SYNC: variants seen among roughly 807,000 people sequenced by gnomAD.
SYNC encodes the protein syncoilin.
SYNC carries 38 observed loss-of-function variants against 49.5 expected under a neutral mutation model. The ratio of observed to expected loss-of-function variants is 0.77; its 90% confidence interval spans 0.59 to 1.01. The LOEUF (loss-of-function observed/expected upper bound fraction) is 1.01. Ranked by LOEUF, SYNC falls within the 50% of genes least tolerant of loss-of-function variation. The pLI, the probability that SYNC is intolerant of heterozygous loss-of-function variation, is 0.00. For missense variants in SYNC, 579 were observed against 580.6 expected (o/e 1.00, Z 0.03); for synonymous variants, 201 against 230.8 (o/e 0.87, Z 1.17).
In SYNC at chr1:32,684,024, T is replaced by TC. The variant is rs1649633665; in HGVS notation, c.1423dup (p.Glu475GlyfsTer30). On this transcript the variant is annotated frameshift_variant, in exon 4 of 5. Coordinates refer to ENST00000409190, the MANE Select transcript of SYNC (RefSeq NM_030786.3). LOFTEE classifies it high-confidence loss of function. ...ACAAAGATCACCTTGAGACTGTGTCTCCATTCCACCTGCCTGAGAAGTGGG... is the reference window on the plus strand; with the variant it reads ...ACAAAGATCACCTTGAGACTGTGTCTCCCATTCCACCTGCCTGAGAAGTGGG... 1 of 1,614,060 alleles carries TC rather than the reference T, an allele frequency of 6.2e-7. No individual in the cohort carries two copies. Among genetic ancestry groups the TC allele is most frequent in the Non-Finnish European group, 8.5e-7 (1 of 1,180,010 alleles).
chr1:32,680,008 A>C lies in SYNC; in HGVS notation c.*1842T>G. The C allele has an allele frequency of 8.8e-7, 1 of 1,142,854 alleles. No individual in the cohort carries two copies. Among genetic ancestry groups the C allele is most frequent in the Non-Finnish European group, 1.1e-6 (1 of 930,980 alleles). The allele number at this position is 1,142,854 out of a possible 1,614,324, so 70.8% of individuals were successfully genotyped here. On this transcript the variant is annotated 3_prime_UTR_variant, in exon 5 of 5. Transcript: ENST00000409190. ...TTTTTCTTCTTATGCTATATCCCCAAGTTTTTCAGACTCATTTAAGTAAAG... is the reference window on the plus strand; with the variant it reads ...TTTTTCTTCTTATGCTATATCCCCACGTTTTTCAGACTCATTTAAGTAAAG...
At chr1:32,698,244 C>T (rs925125223) in intron 1 of SYNC, among the ~76,000 whole-genome samples, 4 of 144,074 alleles carry the variant, frequency 2.8e-5, no homozygotes, top group Admixed American at 7.0e-5. Context: ...AAATGCCGGG[C>T]GTGGTGGCTC....
chr1:32,695,074 C>T lies in SYNC; in HGVS notation c.1024G>A (p.Glu342Lys), dbSNP rs754367501. 3.0e-5 allele frequency: 49 copies of T among 1,613,396 alleles called. No individual in the cohort carries two copies. In the Admixed American group the frequency reaches 7.8e-4, roughly 26 times the overall value. Reference sequence around the variant, plus strand: ...AGCCGCAGGAACTGAGGCTCATACTCCTCCTCCAGGTCCTGGCGGCTCTCT... The same window carrying T: ...AGCCGCAGGAACTGAGGCTCATACTTCTCCTCCAGGTCCTGGCGGCTCTCT... ...MAESRQDLEE[E>K]YEPQFLRLLE... The change falls in exon 2 of 5, where the codon GAG (glutamate) becomes AAG (lysine). Residue 342 changes from glutamate (E) to lysine (K), a missense_variant. By Grantham distance (56) the Glu-to-Lys change is moderately conservative (BLOSUM62 1). Transcript: ENST00000409190.
intron 1 of SYNC, among the ~76,000 whole-genome samples, chr1:32,699,444 T>C (rs565059000): frequency 2.0e-5 from 3 of 151,404 alleles, no homozygotes; most frequent in Admixed American, 2.0e-4. Context: ...CACGAGTCAC[T>C]GCGCCTGGCC....
At chr1:32,697,348 A>C (rs1650478287) in intron 1 of SYNC, among the ~76,000 whole-genome samples, 1 of 151,722 alleles carries the variant, frequency 6.6e-6, no homozygotes, top group African/African-American at 2.4e-5. Context: ...AGGCAGGAGA[A>C]TCTCTTGAAC....
At chr1:32,682,475 A>T in intron 4 of SYNC, 1 of 152,238 alleles carries the variant, frequency 6.6e-6, no homozygotes, top group African/African-American at 2.4e-5. Flanking sequence ...AGAAAAAGCA[A>T]CAATAGTTAC....
At chr1:32,687,864 T>A (rs373066462) in intron 2 of SYNC, among the ~76,000 whole-genome samples, 77 of 3,752 alleles carry the variant, frequency 0.021, no homozygotes, top group African/African-American at 0.028. Context: ...TATTATTATT[T>A]TTTGAGATGG....
chr1:32,685,165 A>G (rs1570897177), intron 2 of SYNC: 1 of 152,184 alleles, frequency 6.6e-6, no homozygotes, highest in East Asian at 1.9e-4. Context: ...TTTTTTCATT[A>G]CACAAAAAGA....
rs746709147 is a variant in SYNC at position 32,695,091 on chromosome 1, C to T, written c.1007G>A (p.Arg336His). The T allele has an allele frequency of 3.1e-5, 50 of 1,613,196 alleles. No homozygotes were observed. The Middle Eastern group carries it at 5.2e-4, about 17-fold the overall frequency. The part of the protein sequence containing the change: ...AQFENLMAES[R>H]QDLEEEYEPQ... ...CTCATACTCCTCCTCCAGGTCCTGG[C>T]GGCTCTCTGCCATGAGATTTTCAAA... Residue 336 changes from arginine (R) to histidine (H), a missense_variant, in exon 2 of 5, where the codon CGC becomes CAC. By Grantham distance (29) the Arg-to-His change is conservative. Coordinates refer to ENST00000409190, the MANE Select transcript of SYNC (RefSeq NM_030786.3).
chr1:32,702,585 A>G lies in SYNC; in HGVS notation c.53+23T>C. On this transcript the variant is annotated intron_variant, in intron 1 of 4. Transcript: ENST00000409190. The surrounding 1 kb of genome is among the most constrained non-coding windows in gnomAD (Gnocchi z 6.2). Reference sequence around the variant, plus strand: ...GCACCCCTTCCCCAGCGGGGCGGCGACGCGGGCCCGGCACTGTCCTACCTC... The same window carrying G: ...GCACCCCTTCCCCAGCGGGGCGGCGGCGCGGGCCCGGCACTGTCCTACCTC... The G allele has an allele frequency of 8.3e-7, 1 of 1,199,510 alleles. No individual in the cohort carries two copies. The highest frequency in any genetic ancestry group is 4.1e-5 in the South Asian group (1 of 24,190). 74.3% of individuals were successfully genotyped at this position (1,199,510 alleles called of 1,614,324 possible). A position where few individuals can be genotyped will look rare whatever the true frequency, so the allele number is the denominator to read the frequency against.
chr1:32,687,863 T>TATTATTATTA (rs1557871715), intron 2 of SYNC, among the ~76,000 whole-genome samples: 8 of 148,136 alleles, frequency 5.4e-5, no homozygotes, highest in Non-Finnish European at 7.4e-5. Context: ...TTATTATTAT[T>TATTATTATTA]TTTTGAGATG....
chr1:32,689,714 G>A lies in SYNC; in HGVS notation c.1233+5151C>T, dbSNP rs1005468506. Among the ~76,000 whole-genome samples, 125 of 151,774 alleles carry A rather than the reference G, an allele frequency of 8.2e-4. 1 individual carries two copies. The highest frequency in any genetic ancestry group is 2.7e-3 in the African/African-American group (113 of 41,400). ...TCCCAGCACTTTGGGAAGCCGAGGCGGGCAGATCACAAGGTCAGGAGATCA... is the reference window on the plus strand; with the variant it reads ...TCCCAGCACTTTGGGAAGCCGAGGCAGGCAGATCACAAGGTCAGGAGATCA... On this transcript the variant is annotated intron_variant, in intron 2 of 4. Transcript: ENST00000409190.
chr1:32,703,283 C>T (rs944453912), upstream of SYNC, among the ~76,000 whole-genome samples: 8 of 152,034 alleles, frequency 5.3e-5, no homozygotes, highest in Non-Finnish European at 1.2e-4. Context: ...CAGCCTGGAG[C>T]CTGGGGGCGG....
chr1:32,702,538 G>A lies in SYNC; in HGVS notation c.53+70C>T, dbSNP rs1650707218. The A allele has an allele frequency of 8.3e-7, 1 of 1,201,216 alleles. No individual in the cohort carries two copies. The highest frequency in any genetic ancestry group is 1.0e-6 in the Non-Finnish European group (1 of 965,460). 74.4% of individuals were successfully genotyped at this position (1,201,216 alleles called of 1,614,324 possible). A position where few individuals can be genotyped will look rare whatever the true frequency, so the allele number is the denominator to read the frequency against. On this transcript the variant is annotated intron_variant, in intron 1 of 4. Transcript: ENST00000409190. The surrounding 1 kb of genome is among the most constrained non-coding windows in gnomAD (Gnocchi z 6.2). Reference sequence around the variant, plus strand: ...CAGGCGAAAGACGCCCGCGGTCGGGGGGAAAGGGAACCCGTCCAGCAGCAC... The same window carrying A: ...CAGGCGAAAGACGCCCGCGGTCGGGAGGAAAGGGAACCCGTCCAGCAGCAC...
chr1:32,687,254 G>T (rs182119638), intron 2 of SYNC, among the ~76,000 whole-genome samples: 1 of 151,722 alleles, frequency 6.6e-6, no homozygotes, highest in Non-Finnish European at 1.5e-5. Context: ...TCAGCTACTC[G>T]GGAGGCTGAG....
chr1:32,681,729 A>G lies in SYNC; in HGVS notation c.*121T>C, dbSNP rs1461409321. 7.8e-6 allele frequency: 12 copies of G among 1,533,258 alleles called. No homozygotes were observed. The highest frequency in any genetic ancestry group is 1.1e-5 in the Non-Finnish European group (12 of 1,110,342). 95.0% of individuals were successfully genotyped at this position (1,533,258 alleles called of 1,614,324 possible). On this transcript the variant is annotated 3_prime_UTR_variant, in exon 5 of 5. Coordinates refer to ENST00000409190, the MANE Select transcript of SYNC (RefSeq NM_030786.3). ...CAGTATTTGCAACTTCCACAGGATG[A>G]ATTGCTTGCCAAGTTTCTGGCACTC...
intron 2 of SYNC, among the ~76,000 whole-genome samples, chr1:32,694,510 C>T (rs1023588485): frequency 6.6e-6 from 1 of 151,722 alleles, no homozygotes; most frequent in African/African-American, 2.4e-5. Context: ...AAAAAATAGC[C>T]GGGCATGGTG....
At chr1:32,685,854 C>T (rs1284920376) in intron 2 of SYNC, 1 of 152,216 alleles carries the variant, frequency 6.6e-6, no homozygotes, top group African/African-American at 2.4e-5. Flanking sequence ...AGGATGGTCT[C>T]TTAATCCTGT....
In SYNC at chr1:32,701,853, G is replaced by A. The variant is rs182468244; in HGVS notation, c.53+755C>T. Among the ~76,000 whole-genome samples, 44 of 152,314 alleles carry A rather than the reference G, an allele frequency of 2.9e-4. No homozygotes were observed. The East Asian group carries it at 8.3e-3, about 29-fold the overall frequency. On this transcript the variant is annotated intron_variant, in intron 1 of 4. Transcript: ENST00000409190. ...AGTCCATGTGACATTGTGCAGGCAA[G>A]AGTCCGTGTGTCTGACTGTAGCTGT...
Sources: allele counts gnomAD v4.1 joint callset (sites outside exome capture counted in the v4.1 genomes callset), GRCh38; gene constraint gnomAD v4.1.1; non-coding constraint Gnocchi (gnomAD v3.1); transcripts MANE v1.5; gene names NCBI Gene and HGNC (gene_info 2026-07-23, HGNC 2026-07-21).